TRHDE: variants seen among roughly 807,000 people sequenced by gnomAD.
The protein encoded by TRHDE is thyrotropin releasing hormone degrading enzyme, also known as thyrotropin-releasing hormone-degrading ectoenzyme.
Under a neutral mutation model 125.7 loss-of-function variants are expected in TRHDE, and 72 were observed. The observed-to-expected ratio is 0.57, with a 90% CI of 0.47 to 0.70. TRHDE has a LOEUF of 0.70. TRHDE is among the 30% of genes least tolerant of loss of function. TRHDE has a pLI of 0.00. For missense variants in TRHDE, 1,110 were observed against 1,327.1 expected (o/e 0.84, Z 2.54); for synonymous variants, 509 against 509.1 (o/e 1.00, Z 0.00).
chr12:72,610,040 G>A (rs1255428614), intron 12 of TRHDE, among the ~76,000 whole-genome samples: 1 of 152,140 alleles, frequency 6.6e-6, no homozygotes, highest in Non-Finnish European at 1.5e-5. Flanking sequence ...ATTTCAGGCA[G>A]TAGTCTGTAT....
intron 7 of TRHDE, among the ~76,000 whole-genome samples, chr12:72,553,754 C>A (rs1869786319): frequency 6.6e-6 from 1 of 151,712 alleles, no homozygotes; most frequent in Non-Finnish European, 1.5e-5. Context: ...CCCACCCAGG[C>A]AATTTCCTCC....
intron 2 of TRHDE, among the ~76,000 whole-genome samples, chr12:72,223,875 C>T (rs1459619109): frequency 6.6e-6 from 1 of 151,862 alleles, no homozygotes; most frequent in Non-Finnish European, 1.5e-5. Flanking sequence ...TCACCCTTGG[C>T]CAGGTAGAGA....
At chr12:72,243,365 T>G (rs1357425181) in intron 2 of TRHDE, among the ~76,000 whole-genome samples, 3 of 152,230 alleles carry the variant, frequency 2.0e-5, no homozygotes, top group African/African-American at 7.2e-5. Context: ...TCTATTTTCT[T>G]TCAACCTGTG....
intron 2 of TRHDE, among the ~76,000 whole-genome samples, chr12:72,164,504 T>G (rs1458609600): frequency 1.3e-5 from 2 of 152,096 alleles, no homozygotes; most frequent in Non-Finnish European, 2.9e-5. Context: ...GGTGGTGAGC[T>G]GAACAGAACT....
intron 18 of TRHDE, among the ~76,000 whole-genome samples, chr12:72,662,213 G>A (rs933272079): frequency 1.3e-5 from 2 of 152,068 alleles, no homozygotes; most frequent in Admixed American, 1.3e-4. Flanking sequence ...GTTGCAAGTT[G>A]ATTTTTCACA....
intron 15 of TRHDE, among the ~76,000 whole-genome samples, chr12:72,641,261 A>T (rs1407040674): frequency 1.3e-5 from 2 of 152,350 alleles, no homozygotes; most frequent in South Asian, 2.1e-4. Flanking sequence ...TCTACATATT[A>T]TTCAACAGCA....
At chr12:72,657,484 TAAATG>T (rs1201423252) in intron 18 of TRHDE, among the ~76,000 whole-genome samples, 4 of 152,178 alleles carry the variant, frequency 2.6e-5, no homozygotes, top group African/African-American at 7.2e-5. Context: ...TGTAGCCTCT[TAAATG>T]AAACAAATTC....
chr12:72,538,037 A>G (rs919581345), intron 6 of TRHDE, among the ~76,000 whole-genome samples: 1 of 151,970 alleles, frequency 6.6e-6, no homozygotes, highest in Non-Finnish European at 1.5e-5. Context: ...CTTTCCTGGA[A>G]TCTTGCTTCA....
intron 2 of TRHDE, among the ~76,000 whole-genome samples, chr12:72,107,772 T>C (rs1875222045): frequency 6.6e-6 from 1 of 152,080 alleles, no homozygotes; most frequent in Non-Finnish European, 1.5e-5. Flanking sequence ...GCTTTGATCA[T>C]TTGCTGAGAA....
intron 6 of TRHDE, among the ~76,000 whole-genome samples, chr12:72,539,491 A>G (rs1339482054): frequency 2.6e-5 from 4 of 151,866 alleles, no homozygotes; most frequent in African/African-American, 9.7e-5. Flanking sequence ...TCTGTTATCC[A>G]TGTCTTACAT....
chr12:72,494,862 T>C (rs2135930320), intron 5 of TRHDE, among the ~76,000 whole-genome samples: 1 of 152,176 alleles, frequency 6.6e-6, no homozygotes, highest in South Asian at 2.1e-4. Context: ...TATAGACTAC[T>C]ATTTATTGTC....
intron 2 of TRHDE, among the ~76,000 whole-genome samples, chr12:72,308,357 T>C (rs1868388512): frequency 6.6e-6 from 1 of 152,210 alleles, no homozygotes; most frequent in Non-Finnish European, 1.5e-5. Context: ...CATTCATTTT[T>C]ACATCAGTGG....
intron 2 of TRHDE, among the ~76,000 whole-genome samples, chr12:72,174,322 AT>A (rs1199812504): frequency 1.3e-5 from 2 of 152,208 alleles, no homozygotes; most frequent in Non-Finnish European, 1.5e-5. Context: ...GAAAGAATTA[AT>A]GTTTGTGGCT....
intron 2 of TRHDE, 72 bp from the exon 3 acceptor site, chr12:72,377,923 T>A: frequency 9.2e-7 from 1 of 1,087,968 alleles, no homozygotes; most frequent in Non-Finnish European, 1.3e-6. Flanking sequence ...TTTGTGTAGA[T>A]TCATATTTGC....
At chr12:72,107,537 C>A (rs1227421263) in intron 2 of TRHDE, among the ~76,000 whole-genome samples, 6 of 152,106 alleles carry the variant, frequency 3.9e-5, no homozygotes, top group Non-Finnish European at 8.8e-5. Flanking sequence ...ATTAGGTGAA[C>A]TCTCTTTCTG....
intron 3 of TRHDE, among the ~76,000 whole-genome samples, chr12:72,439,266 T>G (rs1291367250): frequency 6.6e-6 from 1 of 152,040 alleles, no homozygotes; most frequent in East Asian, 1.9e-4. Context: ...TTGCTCAAGT[T>G]TGCTTTGGCT....
Position 72,616,059 on chromosome 12 carries a change from A to C in TRHDE, c.2322-2832A>C, listed in dbSNP as rs574349264. 3.3e-5 allele frequency among the ~76,000 whole-genome samples: 5 copies of C among 152,248 alleles called. No individual in the cohort carries two copies. The East Asian group carries it at 9.7e-4, about 29-fold the overall frequency. ...GTATAGTTCATTCAAAGAAGAAGAG[A>C]AGAGCATGGATTTTGGTGAGCAGTT... On this transcript the variant is annotated intron_variant, in intron 12 of 18. Transcript: ENST00000261180.
Position 72,330,959 on chromosome 12 carries a change from T to A in TRHDE, c.1188+44005T>A, listed in dbSNP as rs187545574. Among the ~76,000 whole-genome samples the A allele has an allele frequency of 6.0e-4, 92 of 152,222 alleles. 1 individual carries two copies. The highest frequency in any genetic ancestry group is 6.8e-3 in the Middle Eastern group (2 of 294). ...TGGGGTGGAGCGTGAGAATATGCAT[T>A]TCTAACAAGTTTCCAGGTGATGTTG... On this transcript the variant is annotated intron_variant, in intron 2 of 18. Coordinates refer to ENST00000261180, the MANE Select transcript of TRHDE (RefSeq NM_013381.3).
At chr12:72,193,174 T>A (rs1877373160) in intron 2 of TRHDE, among the ~76,000 whole-genome samples, 1 of 152,112 alleles carries the variant, frequency 6.6e-6, no homozygotes, top group South Asian at 2.1e-4. Flanking sequence ...AGTTTGTCTT[T>A]ATAAAGATTT....
Sources: gnomAD v4.1 joint callset for allele counts (sites outside exome capture counted in the v4.1 genomes callset) on GRCh38, gnomAD v4.1.1 for gene constraint, MANE v1.5 for transcripts, NCBI Gene and HGNC (gene_info 2026-07-23, HGNC 2026-07-21) for gene names.